Variants in DTNA observed in about 807,000 individuals in gnomAD.
The protein encoded by DTNA is dystrophin-related protein 3.
DTNA carries 43 observed loss-of-function variants against 100.7 expected under a neutral mutation model. The ratio of observed to expected loss-of-function variants is 0.43; its 90% CI spans 0.33 to 0.55. The LOEUF is 0.55. Ranked by LOEUF, DTNA falls within the 20% of genes least tolerant of loss-of-function variation. The pLI is 0.04. For missense variants in DTNA, 798 were observed against 953.9 expected, an observed-to-expected ratio of 0.84 and a Z score of 2.15; for synonymous variants, 349 against 347.9, an observed-to-expected ratio of 1.00 and a Z score of -0.04.
intron 1 of DTNA, among the ~76,000 whole-genome samples, chr18:34,746,892 C>A (rs2091668284): frequency 6.6e-6 from 1 of 152,068 alleles, no homozygotes; most frequent in African/African-American, 2.4e-5. Context: ...TCTTACCAAG[C>A]CAAATGTCAT....
At chr18:34,868,298 GA>G (rs1238770480) in intron 17 of DTNA, 4 of 269,282 alleles carry the variant, frequency 1.5e-5, no homozygotes, top group Non-Finnish European at 2.3e-5. Context: ...GATAGAAAAG[GA>G]AAAAAAGCAG....
Position 34,854,834 on chromosome 18 carries a change from G to A in DTNA, c.1532+2906G>A, listed in dbSNP as rs905019101. Among the ~76,000 whole-genome samples the A allele has an allele frequency of 3.3e-5, 5 of 152,196 alleles. No homozygotes were observed. The South Asian group carries it at 8.3e-4, about 25-fold the overall frequency. ...TGGGTTTTTGTTTTGAGGGGTTGAA[G>A]TGAGAATAAGGACAACTTTAAAATA... On this transcript the variant is annotated intron_variant, in intron 15 of 22. Coordinates refer to ENST00000444659, the MANE Select transcript of DTNA (RefSeq NM_001386795.1).
Position 34,891,311 on chromosome 18 carries a change from G to A in DTNA, c.*3577G>A, listed in dbSNP as rs773254916. ...GTGTGTTGGAACCTCCTGGGGACAT[G>A]TTATATTTTGAAGTGATTAAACTAT... On this transcript the variant is annotated 3_prime_UTR_variant, in exon 23 of 23. Transcript: ENST00000444659. The A allele has an allele frequency of 6.6e-6, 1 of 152,290 alleles. No individual in the cohort carries two copies. Among genetic ancestry groups the A allele is most frequent in the Non-Finnish European group, 1.5e-5 (1 of 67,982 alleles). The allele number at this position is 152,290 out of a possible 1,614,324, so 9.4% of individuals were successfully genotyped here.
intron 1 of DTNA, among the ~76,000 whole-genome samples, chr18:34,586,138 G>T (rs1036317161): frequency 1.2e-4 from 18 of 152,150 alleles, no homozygotes; most frequent in African/African-American, 4.1e-4. Context: ...AGGTTCCATA[G>T]AAAACAACAG....
intron 18 of DTNA, among the ~76,000 whole-genome samples, chr18:34,875,611 C>G (rs2096807737): frequency 6.6e-6 from 1 of 152,170 alleles, no homozygotes; most frequent in Non-Finnish European, 1.5e-5. Flanking sequence ...TTTTGTTGCC[C>G]TGCCTTATTT....
At chr18:34,629,960 A>G (rs1382812374) in intron 1 of DTNA, among the ~76,000 whole-genome samples, 1 of 151,890 alleles carries the variant, frequency 6.6e-6, no homozygotes, top group Non-Finnish European at 1.5e-5. Flanking sequence ...ATTCTATCTC[A>G]TGCTCTGTGT....
intron 11 of DTNA, among the ~76,000 whole-genome samples, chr18:34,832,009 A>G (rs558060629): frequency 6.6e-6 from 1 of 152,328 alleles, no homozygotes; most frequent in African/African-American, 2.4e-5. Flanking sequence ...TCTTTACTTA[A>G]CAACCGTGGC....
chr18:34,661,633 A>C lies in DTNA; in HGVS notation c.-1-94343A>C, dbSNP rs188984524. Reference sequence around the variant, plus strand: ...GTTTCGCATAGATGAGTTTTCAATAAACAGGATGAATGAACATTCAGCTAG... The same window carrying C: ...GTTTCGCATAGATGAGTTTTCAATACACAGGATGAATGAACATTCAGCTAG... On this transcript the variant is annotated intron_variant, in intron 1 of 19. Transcript: ENST00000283365. Among the ~76,000 whole-genome samples the C allele has an allele frequency of 2.6e-5, 4 of 152,268 alleles. No homozygotes were observed. In the East Asian group the frequency reaches 7.7e-4, roughly 29 times the overall value.
At chr18:34,695,808 A>T (rs546257725) in intron 1 of DTNA, among the ~76,000 whole-genome samples, 2 of 152,310 alleles carry the variant, frequency 1.3e-5, no homozygotes, top group East Asian at 3.9e-4. Context: ...GTTTGCAAGG[A>T]CTCAACACTC....
intron 1 of DTNA, among the ~76,000 whole-genome samples, chr18:34,639,851 C>T (rs1349220120): frequency 6.6e-6 from 1 of 152,192 alleles, no homozygotes; most frequent in Non-Finnish European, 1.5e-5. Flanking sequence ...AGAGGGACTG[C>T]AAGCTCAGCT....
At chr18:34,672,613 A>G (rs2076906189) in intron 1 of DTNA, among the ~76,000 whole-genome samples, 1 of 152,240 alleles carries the variant, frequency 6.6e-6, no homozygotes, top group South Asian at 2.1e-4. Flanking sequence ...CTGATGTCTC[A>G]TATCTTCATA....
At chr18:34,739,621 T>C (rs2090264446) in intron 1 of DTNA, among the ~76,000 whole-genome samples, 1 of 152,214 alleles carries the variant, frequency 6.6e-6, no homozygotes, top group Non-Finnish European at 1.5e-5. Context: ...ATTCATTTCA[T>C]GATAGGCATT....
At chr18:34,539,609 T>G (rs2044055295) in intron 1 of DTNA, among the ~76,000 whole-genome samples, 1 of 151,970 alleles carries the variant, frequency 6.6e-6, no homozygotes. Flanking sequence ...TACTGTTCTT[T>G]TGGCTTGTGG....
At chr18:34,666,139 T>C (rs1568162610) in intron 1 of DTNA, among the ~76,000 whole-genome samples, 1 of 152,354 alleles carries the variant, frequency 6.6e-6, no homozygotes, top group Admixed American at 6.5e-5. Flanking sequence ...TGATATCTCA[T>C]TGTGGTTTTG....
chr18:34,738,697 AG>A (rs1774591774), intron 1 of DTNA, among the ~76,000 whole-genome samples: 1 of 152,160 alleles, frequency 6.6e-6, no homozygotes, highest in Admixed American at 6.5e-5. Flanking sequence ...GATGTCTGAT[AG>A]AGGACAGCGC....
chr18:34,877,648 TA>T (rs2096831620), intron 18 of DTNA, 70 bp from the exon 19 acceptor site: 1 of 1,392,252 alleles, frequency 7.2e-7, no homozygotes, highest in Admixed American at 1.8e-5. Flanking sequence ...ATGGGAAGGA[TA>T]AATAAACAAC....
At chr18:34,606,122 A>G (rs192353686) in intron 1 of DTNA, among the ~76,000 whole-genome samples, 1 of 152,280 alleles carries the variant, frequency 6.6e-6, no homozygotes, top group African/African-American at 2.4e-5. Flanking sequence ...TTGGAGTTTA[A>G]TAAGTTCTGT....
intron 3 of DTNA, among the ~76,000 whole-genome samples, chr18:34,790,690 A>T (rs1325675038): frequency 2.6e-5 from 4 of 150,994 alleles, no homozygotes; most frequent in African/African-American, 4.9e-5. Context: ...TCCAAGCAGC[A>T]TACAATTTTA....
At chr18:34,620,327 A>G (rs891433018) in intron 1 of DTNA, among the ~76,000 whole-genome samples, 49 of 152,352 alleles carry the variant, frequency 3.2e-4, no homozygotes, top group African/African-American at 6.7e-4. Flanking sequence ...TCAATTTTAA[A>G]TAAGTTTGAA....
Sources: gnomAD v4.1 joint callset for allele counts (sites outside exome capture counted in the v4.1 genomes callset) on GRCh38, gnomAD v4.1.1 for gene constraint, MANE v1.5 for transcripts, NCBI Gene and HGNC (gene_info 2026-07-23, HGNC 2026-07-21) for gene names.